Variants in TBC1D9 observed in about 807,000 individuals in gnomAD.
The protein encoded by TBC1D9 is TBC1 domain family member 9.
Under a neutral mutation model 132.0 loss-of-function variants are expected in TBC1D9, and 63 were observed. The ratio of observed to expected loss-of-function variants is 0.48; its 90% CI spans 0.39 to 0.59. The LOEUF (loss-of-function observed/expected upper bound fraction) is 0.59, where lower values mean the gene tolerates loss of function less well. TBC1D9 is among the 20% of genes least tolerant of loss of function. The pLI is 0.00. For missense variants in TBC1D9, 1,261 were observed against 1,592.7 expected, an observed-to-expected ratio of 0.79 and a Z score of 3.54; for synonymous variants, 610 against 609.9, an observed-to-expected ratio of 1.00 and a Z score of 0.00.
chr4:140,703,798 T>G (rs1196649726), intron 1 of TBC1D9, among the ~76,000 whole-genome samples: 2 of 152,180 alleles, frequency 1.3e-5, no homozygotes, highest in Non-Finnish European at 2.9e-5. Flanking sequence ...AAAATGAAAT[T>G]CTTACAGCCT....
At position 140,756,139 on chromosome 4, in the gene TBC1D9, G is replaced by T. The variant is rs1441212963; in HGVS notation, c.-94C>A. ...GGCGCGCACTCCTGGGCACACGCGC[G>T]CCCGCCCGCCCGTCCGCTAGGTGCG... On this transcript the variant is annotated 5_prime_UTR_variant, in exon 1 of 21. Transcript: ENST00000442267. This position sits in a 1 kb window ranked among gnomAD's most constrained non-coding sequence, Gnocchi z 5.6. 2.0e-6 allele frequency: 2 copies of T among 1,006,568 alleles called. No individual in the cohort carries two copies. The highest frequency in any genetic ancestry group is 3.3e-4 in the Middle Eastern group (1 of 3,046). The allele number at this position is 1,006,568 out of a possible 1,614,324, so 62.4% of individuals were successfully genotyped here. A position where few individuals can be genotyped will look rare whatever the true frequency, so the allele number is the denominator to read the frequency against.
At chr4:140,714,019 G>A (rs1278568823) in intron 1 of TBC1D9, among the ~76,000 whole-genome samples, 3 of 152,150 alleles carry the variant, frequency 2.0e-5, no homozygotes, top group African/African-American at 7.2e-5. Context: ...ATCAGAATCG[G>A]TAACCCTTGG....
intron 1 of TBC1D9, among the ~76,000 whole-genome samples, chr4:140,744,104 GATA>G (rs1171866372): frequency 6.6e-6 from 1 of 152,114 alleles, no homozygotes; most frequent in African/African-American, 2.4e-5. Flanking sequence ...TCTTAAAGTT[GATA>G]ATAATAATGG....
chr4:140,649,588 C>T (rs950847557), intron 13 of TBC1D9, among the ~76,000 whole-genome samples: 13 of 152,134 alleles, frequency 8.5e-5, no homozygotes, highest in African/African-American at 2.7e-4. Context: ...GCCCAAGAGA[C>T]GAGAGAGGGA....
At chr4:140,665,567 C>T (rs1043499494) in intron 9 of TBC1D9, among the ~76,000 whole-genome samples, 5 of 152,008 alleles carry the variant, frequency 3.3e-5, no homozygotes, top group South Asian at 2.1e-4. Context: ...AGTTACCATA[C>T]GAACCAGAAA....
chr4:140,683,462 C>T (rs1287757360), intron 3 of TBC1D9, among the ~76,000 whole-genome samples: 1 of 152,140 alleles, frequency 6.6e-6, no homozygotes, highest in Non-Finnish European at 1.5e-5. Flanking sequence ...TAGCTCCTTC[C>T]CAGGTTCTAC....
chr4:140,691,209 T>G (rs968205095), intron 2 of TBC1D9, among the ~76,000 whole-genome samples: 1 of 152,116 alleles, frequency 6.6e-6, no homozygotes, highest in East Asian at 1.9e-4. Context: ...GCCACTTCTG[T>G]CCACTTCTCA....
chr4:140,643,204 G>A, intron 13 of TBC1D9: 1 of 1,402,326 alleles, frequency 7.1e-7, no homozygotes. Flanking sequence ...CGAGCCACCA[G>A]GGCCCGCTCC....
intron 15 of TBC1D9, among the ~76,000 whole-genome samples, chr4:140,637,420 T>C (rs6812774): frequency 0.24 from 36,494 of 151,720 alleles, 6,225 homozygotes; most frequent in African/African-American, 0.49. Flanking sequence ...CAGCCAGCCC[T>C]GGTCCTCCTT....
chr4:140,697,813 CA>C lies in TBC1D9; in HGVS notation c.241+3690del, dbSNP rs150973922. Among the ~76,000 whole-genome samples, 1,144 of 152,296 alleles carry C rather than the reference CA, an allele frequency of 7.5e-3. 7 individuals are homozygous for C. The highest frequency in any genetic ancestry group is 0.012 in the East Asian group (63 of 5,174). On this transcript the variant is annotated intron_variant, in intron 2 of 20. Transcript: ENST00000442267. Reference sequence around the variant, plus strand: ...GTCAATGACAACAAAGGTAATGGCTCAGGGGCAGAGGAAAAGTCACAGGAGA... The same window carrying C: ...GTCAATGACAACAAAGGTAATGGCTCGGGGCAGAGGAAAAGTCACAGGAGA...
At chr4:140,736,769 G>A (rs1272210882) in intron 1 of TBC1D9, among the ~76,000 whole-genome samples, 1 of 152,152 alleles carries the variant, frequency 6.6e-6, no homozygotes, top group Non-Finnish European at 1.5e-5. Context: ...TATTCAATCA[G>A]AACTGTACAA....
At chr4:140,729,128 T>G (rs934232140) in intron 1 of TBC1D9, among the ~76,000 whole-genome samples, 1 of 152,196 alleles carries the variant, frequency 6.6e-6, no homozygotes, top group African/African-American at 2.4e-5. Context: ...AGTCCTCATT[T>G]GCCACAGCCA....
chr4:140,629,238 A>C (rs1736756253), intron 16 of TBC1D9, among the ~76,000 whole-genome samples: 1 of 152,338 alleles, frequency 6.6e-6, no homozygotes, highest in African/African-American at 2.4e-5. Flanking sequence ...TTAAATACTG[A>C]AAGTTCTTCT....
At chr4:140,749,529 A>C (rs1446681992) in intron 1 of TBC1D9, among the ~76,000 whole-genome samples, 10 of 152,174 alleles carry the variant, frequency 6.6e-5, no homozygotes, top group Admixed American at 6.5e-4. Flanking sequence ...TTGAGTAAGA[A>C]AAAAGTCAAC....
chr4:140,627,946 T>C (rs982552927), intron 17 of TBC1D9, among the ~76,000 whole-genome samples: 8 of 152,190 alleles, frequency 5.3e-5, no homozygotes, highest in Admixed American at 4.6e-4. Flanking sequence ...TTGTTTAAAA[T>C]TGAAAAAACC....
chr4:140,678,931 C>G lies in TBC1D9; in HGVS notation c.851+11G>C, dbSNP rs758018843. On this transcript the variant is annotated intron_variant, in intron 5 of 20. Transcript: ENST00000442267. ...CTAAAGTCTGGAAGATACAAGGTCT[C>G]TATCACCCACCGTTTTAGAGCAGAC... is the stretch of plus-strand genomic sequence containing the variant. The G allele has an allele frequency of 3.1e-6, 5 of 1,612,578 alleles. No homozygotes were observed. In the African/African-American group the frequency reaches 5.3e-5, roughly 17 times the overall value.
intron 16 of TBC1D9, among the ~76,000 whole-genome samples, chr4:140,628,822 A>G (rs900975986): frequency 6.6e-6 from 1 of 152,236 alleles, no homozygotes; most frequent in Non-Finnish European, 1.5e-5. Context: ...TTTTGATATC[A>G]CTTCAAATTA....
intron 1 of TBC1D9, among the ~76,000 whole-genome samples, chr4:140,727,412 G>A (rs952859251): frequency 6.6e-6 from 1 of 152,180 alleles, no homozygotes; most frequent in Non-Finnish European, 1.5e-5. Flanking sequence ...CATTCTGGTG[G>A]CCACGTTCAG....
intron 13 of TBC1D9, chr4:140,642,978 C>T (rs1302650588): frequency 7.3e-6 from 5 of 680,832 alleles, no homozygotes; most frequent in Non-Finnish European, 1.2e-5. Context: ...GACCTCGGCC[C>T]GCCACATTCT....
Sources: allele counts gnomAD v4.1 joint callset (sites outside exome capture counted in the v4.1 genomes callset), GRCh38; gene constraint gnomAD v4.1.1; non-coding constraint Gnocchi (gnomAD v3.1); transcripts MANE v1.5; gene names NCBI Gene and HGNC (gene_info 2026-07-23, HGNC 2026-07-21).